The following LMO4 variants were observed in gnomAD, a reference collection of about 807,000 sequenced individuals.
LMO4 encodes LIM domain transcription factor LMO4.
A neutral mutation model predicts 18.5 loss-of-function variants in LMO4; 3 were observed. That is an observed-to-expected ratio of 0.16 (90% CI 0.07 to 0.42). The LOEUF (loss-of-function observed/expected upper bound fraction) is 0.42. Among genes scored for constraint, LMO4 ranks in the 10% least tolerant of loss-of-function variants. The probability of loss-of-function intolerance (pLI) is 0.99; values close to 1 mark genes in which losing one functional copy is unlikely to be tolerated. For missense variants in LMO4, 121 were observed against 219.9 expected (o/e 0.55, Z 2.84); for synonymous variants, 100 against 88.1 (o/e 1.14, Z -0.76).
rs535566930 is a variant in LMO4 at position 87,348,451 on chromosome 1, A to G, written c.*3655A>G. On this transcript the variant is annotated 3_prime_UTR_variant, in exon 5 of 5. Transcript: ENST00000370544. ...TGCAGTTAAATAGCAATTTGTTTCC[A>G]TGAAACTGCAATTAAAGTATTACTG... 7.8e-5 allele frequency: 23 copies of G among 294,394 alleles called. No individual in the cohort carries two copies. The highest frequency in any genetic ancestry group is 4.8e-4 in the African/African-American group (22 of 46,270). 18.2% of individuals were successfully genotyped at this position (294,394 alleles called of 1,614,324 possible). A position where few individuals can be genotyped will look rare whatever the true frequency, so the allele number is the denominator to read the frequency against.
rs1218677752 is a variant in LMO4 at position 87,346,597 on chromosome 1, G to C, written c.*1801G>C. On this transcript the variant is annotated 3_prime_UTR_variant, in exon 5 of 5. Coordinates refer to ENST00000370544, the MANE Select transcript of LMO4 (RefSeq NM_006769.4). ...GTAGCTCAGCACATCTCAACTACCAGTCAGCTTCCCTTTGAGAACTTCTGT... is the reference window on the plus strand; with the variant it reads ...GTAGCTCAGCACATCTCAACTACCACTCAGCTTCCCTTTGAGAACTTCTGT... 6.6e-6 allele frequency: 1 copy of C among 152,104 alleles called. No individual in the cohort carries two copies. Among genetic ancestry groups the C allele is most frequent in the South Asian group, 2.1e-4 (1 of 4,828 alleles). 9.4% of individuals were successfully genotyped at this position (152,104 alleles called of 1,614,324 possible).
intron 2 of LMO4, among the ~76,000 whole-genome samples, chr1:87,335,271 T>C (rs1352920448): frequency 6.6e-6 from 1 of 152,126 alleles, no homozygotes; most frequent in Non-Finnish European, 1.5e-5. Flanking sequence ...GCGCGGAAAG[T>C]GCAGCGAGAG....
chr1:87,331,671 G>C (rs370802731), intron 1 of LMO4: 30 of 315,134 alleles, frequency 9.5e-5, no homozygotes, highest in African/African-American at 6.2e-4. Flanking sequence ...GGAGGCGGGG[G>C]CTGGGAGGAG....
In LMO4 at chr1:87,348,558, A is replaced by C; in HGVS notation, c.*3762A>C. On this transcript the variant is annotated 3_prime_UTR_variant, in exon 5 of 5. Transcript: ENST00000370544. ...CACTTGCAGAGTCTGAGATCTGACT[A>C]GCAGCAAAGTGTAGCACATTCGCCG... 1 of 397,118 alleles carries C rather than the reference A, an allele frequency of 2.5e-6. No homozygotes were observed. Among genetic ancestry groups the C allele is most frequent in the Non-Finnish European group, 5.1e-6 (1 of 194,410 alleles). 24.6% of individuals were successfully genotyped at this position (397,118 alleles called of 1,614,324 possible). A position where few individuals can be genotyped will look rare whatever the true frequency, so the allele number is the denominator to read the frequency against.
intron 4 of LMO4, among the ~76,000 whole-genome samples, chr1:87,342,286 T>G (rs1236209721): frequency 6.6e-6 from 1 of 152,112 alleles, no homozygotes; most frequent in Non-Finnish European, 1.5e-5. Context: ...CTAAGAAATA[T>G]GAGCAGGATT....
At chr1:87,329,457 G>A (rs1209179790) in intron 1 of LMO4, among the ~76,000 whole-genome samples, 1 of 152,188 alleles carries the variant, frequency 6.6e-6, no homozygotes, top group Non-Finnish European at 1.5e-5. Context: ...CAGCTTTGTA[G>A]CGGTTCCTGC....
chr1:87,331,485 C>T (rs1650144476), intron 1 of LMO4, among the ~76,000 whole-genome samples: 1 of 152,232 alleles, frequency 6.6e-6, no homozygotes, highest in South Asian at 2.1e-4. Context: ...GCTGCACTTC[C>T]CGGGGCAGAA....
chr1:87,339,823 A>G (rs775808073), intron 3 of LMO4, among the ~76,000 whole-genome samples, 191 bp downstream of exon 3: 1 of 152,196 alleles, frequency 6.6e-6, no homozygotes, highest in Non-Finnish European at 1.5e-5. Context: ...CCTATGCCAC[A>G]GACAGAAGTA....
In LMO4 at chr1:87,348,719, G is replaced by T; in HGVS notation, c.*3923G>T. The T allele has an allele frequency of 1.9e-6, 1 of 514,924 alleles. No individual in the cohort carries two copies. Among genetic ancestry groups the T allele is most frequent in the Non-Finnish European group, 3.9e-6 (1 of 258,038 alleles). 31.9% of individuals were successfully genotyped at this position (514,924 alleles called of 1,614,324 possible). The stretch of plus-strand genomic sequence containing the variant: ...CCTCAAGTGAATACTGTTTTCAGTT[G>T]TGCAAGAAGTGCTTTATGCTAGTAG... On this transcript the variant is annotated 3_prime_UTR_variant, in exon 5 of 5. Transcript: ENST00000370544.
chr1:87,331,880 C>A, intron 1 of LMO4, 133 bp from the exon 2 acceptor site: 1 of 703,592 alleles, frequency 1.4e-6, no homozygotes, highest in Non-Finnish European at 2.4e-6. Flanking sequence ...CCTTCCCGCC[C>A]TTGCCCTGCT....
chr1:87,345,056 C>G lies in LMO4; in HGVS notation c.*260C>G. ...TGAAAAAAGATCCACCAGAGGACAT[C>G]TTGGGGAGGGGGAGGGAGCTGGGGG... On this transcript the variant is annotated 3_prime_UTR_variant, in exon 5 of 5. Coordinates refer to ENST00000370544, the MANE Select transcript of LMO4 (RefSeq NM_006769.4). The G allele has an allele frequency of 6.1e-6, 1 of 162,982 alleles. No homozygotes were observed. Among genetic ancestry groups the G allele is most frequent in the Non-Finnish European group, 1.2e-5 (1 of 82,448 alleles). The allele number at this position is 162,982 out of a possible 1,614,324, so 10.1% of individuals were successfully genotyped here. A position where few individuals can be genotyped will look rare whatever the true frequency, so the allele number is the denominator to read the frequency against.
At chr1:87,332,644 T>G (rs187386155) in intron 2 of LMO4, among the ~76,000 whole-genome samples, 1 of 152,222 alleles carries the variant, frequency 6.6e-6, no homozygotes, top group South Asian at 2.1e-4. Flanking sequence ...GAAACAAAGG[T>G]TGACTTAAAA....
At chr1:87,332,279 T>TG (rs1420195173) in intron 2 of LMO4, 28 bp downstream of exon 2, 3 of 1,565,356 alleles carry the variant, frequency 1.9e-6, no homozygotes, top group East Asian at 2.3e-5. Flanking sequence ...TTCCTGGAGA[T>TG]GGGGGGAAGA....
At chr1:87,344,216 A>C (rs921475653) in intron 4 of LMO4, among the ~76,000 whole-genome samples, 15 of 152,340 alleles carry the variant, frequency 9.8e-5, no homozygotes, top group African/African-American at 3.1e-4. Flanking sequence ...TATCGGAATA[A>C]TAATGATAAC....
At chr1:87,336,821 T>C (rs1365639734) in intron 2 of LMO4, among the ~76,000 whole-genome samples, 2 of 152,216 alleles carry the variant, frequency 1.3e-5, no homozygotes, top group Admixed American at 6.5e-5. Flanking sequence ...TCCCCGTTGC[T>C]TGAGTTAAAG....
intron 2 of LMO4, among the ~76,000 whole-genome samples, chr1:87,334,334 C>A (rs1303210684): frequency 6.6e-6 from 1 of 152,174 alleles, no homozygotes; most frequent in Non-Finnish European, 1.5e-5. Flanking sequence ...TCAGGGCTCA[C>A]CAGCAGCTGA....
At chr1:87,341,741 A>G (rs746469373) in intron 4 of LMO4, among the ~76,000 whole-genome samples, 1 of 152,228 alleles carries the variant, frequency 6.6e-6, no homozygotes, top group Non-Finnish European at 1.5e-5. Context: ...ATGGGGAGCT[A>G]CATAGAATAA....
rs1650585707 is a variant in LMO4 at position 87,344,882 on chromosome 1, C to T, written c.*86C>T. 1 of 1,362,378 alleles carries T rather than the reference C, an allele frequency of 7.3e-7. No homozygotes were observed. Among genetic ancestry groups the T allele is most frequent in the African/African-American group, 1.4e-5 (1 of 69,856 alleles). The allele number at this position is 1,362,378 out of a possible 1,614,324, so 84.4% of individuals were successfully genotyped here. A position where few individuals can be genotyped will look rare whatever the true frequency, so the allele number is the denominator to read the frequency against. On this transcript the variant is annotated 3_prime_UTR_variant, in exon 5 of 5. Transcript: ENST00000370544. Reference sequence around the variant, plus strand: ...CCATGTGTCTTCAGTAGACAAGTCACCTTTGTAGCTAGCACCAGTGCCAGC... The same window carrying T: ...CCATGTGTCTTCAGTAGACAAGTCATCTTTGTAGCTAGCACCAGTGCCAGC...
intron 2 of LMO4, among the ~76,000 whole-genome samples, chr1:87,338,222 T>G (rs940213522): frequency 9.2e-5 from 14 of 152,308 alleles, no homozygotes; most frequent in African/African-American, 3.1e-4. Context: ...TCAAAGCAAT[T>G]ATTTTTATAT....
Sources: allele counts gnomAD v4.1 joint callset (sites outside exome capture counted in the v4.1 genomes callset), GRCh38; gene constraint gnomAD v4.1.1; transcripts MANE v1.5; gene names NCBI Gene and HGNC (gene_info 2026-07-23, HGNC 2026-07-21).